Variants in NRXN1 observed in about 807,000 individuals in gnomAD.
The protein encoded by NRXN1 is neurexin 1, also known as neurexin-1.
NRXN1 carries 39 observed loss-of-function variants against 150.9 expected under a neutral mutation model. The ratio of observed to expected loss-of-function variants is 0.26; its 90% CI spans 0.20 to 0.34. The LOEUF is 0.34. NRXN1 is among the 10% of genes least tolerant of loss of function. NRXN1 has a pLI of 1.00. For synonymous variants in NRXN1, 924 were observed against 757.0 expected (o/e 1.22, Z -3.62); for missense variants, 1,815 against 1,949.9 (o/e 0.93, Z 1.30).
chr2:50,532,773 ACT>A (rs1203005138), intron 10 of NRXN1, among the ~76,000 whole-genome samples: 1 of 152,050 alleles, frequency 6.6e-6, no homozygotes, highest in Non-Finnish European at 1.5e-5. Context: ...TAAAAAAAAA[ACT>A]GTTGATGACA....
At chr2:50,481,847 G>A (rs1479686059) in intron 15 of NRXN1, among the ~76,000 whole-genome samples, 1 of 111,938 alleles carries the variant, frequency 8.9e-6, no homozygotes, top group African/African-American at 4.6e-5. Flanking sequence ...CTCACTGCAA[G>A]CTCCGCCTCC....
intron 21 of NRXN1, chr2:50,022,631 A>G (rs1687736918): frequency 6.6e-6 from 1 of 152,374 alleles, no homozygotes; most frequent in Non-Finnish European, 1.5e-5. Context: ...ATCATTGTCA[A>G]ACAATTGCAG....
At chr2:50,266,327 C>G (rs538010619) in intron 17 of NRXN1, among the ~76,000 whole-genome samples, 23 of 149,580 alleles carry the variant, frequency 1.5e-4, no homozygotes, top group Admixed American at 8.7e-4. Context: ...CACTTGACTC[C>G]AGTTTTTCCA....
intron 5 of NRXN1, chr2:50,920,074 G>A (rs1685776869): frequency 1.0e-5 from 3 of 296,306 alleles, no homozygotes; most frequent in African/African-American, 2.3e-5. Flanking sequence ...ATATGAAATG[G>A]GTACCAATGT....
intron 17 of NRXN1, among the ~76,000 whole-genome samples, chr2:50,275,654 T>A (rs1180819934): frequency 1.3e-5 from 2 of 152,108 alleles, no homozygotes. Context: ...CAATTAATAA[T>A]TATTGATTCA....
At chr2:50,819,226 C>A (rs1235426430) in intron 5 of NRXN1, among the ~76,000 whole-genome samples, 1 of 152,152 alleles carries the variant, frequency 6.6e-6, no homozygotes, top group Non-Finnish European at 1.5e-5. Context: ...GAGGCATCTG[C>A]ACTTCTGTGT....
chr2:50,397,040 G>A lies in NRXN1; in HGVS notation c.3364+68402C>T, dbSNP rs72876460. ...AGCACGTTCCACTCCTGACTCTCCC[G>A]AAGATGGTCTCAGGTCTTCAGGTGA... On this transcript the variant is annotated intron_variant, in intron 17 of 22. Coordinates refer to ENST00000401669, the MANE Select transcript of NRXN1 (RefSeq NM_001330078.2). 1.6e-3 allele frequency among the ~76,000 whole-genome samples: 246 copies of A among 152,078 alleles called. 1 individual carries two copies. Among genetic ancestry groups the A allele is most frequent in the African/African-American group, 5.2e-3 (216 of 41,488 alleles).
chr2:50,552,747 T>C lies in NRXN1; in HGVS notation c.1599A>G (p.Pro533=). The change falls in exon 9 of 23, where the codon CCA becomes CCG. Residue 533 remains proline (P), a synonymous_variant. Coordinates refer to ENST00000401669, the MANE Select transcript of NRXN1 (RefSeq NM_001330078.2). ...KPRHQKDAKH[P]QMIKVDFFAI... ...CAAAGAAGTCCACCTTTATCATCTG[T>C]GGGTGCTTGGCATCTTTCTGATGTC... is the stretch of plus-strand genomic sequence containing the variant. 1 of 1,613,972 alleles carries C rather than the reference T, an allele frequency of 6.2e-7. No homozygotes were observed. Among genetic ancestry groups the C allele is most frequent in the South Asian group, 1.1e-5 (1 of 91,086 alleles).
intron 3 of NRXN1, among the ~76,000 whole-genome samples, chr2:50,924,998 T>C (rs1686646214): frequency 6.6e-6 from 1 of 151,822 alleles, no homozygotes; most frequent in Non-Finnish European, 1.5e-5. Context: ...CAAAATATGG[T>C]AGTAAAATAA....
chr2:50,886,735 T>C (rs1680308149), intron 5 of NRXN1, among the ~76,000 whole-genome samples: 1 of 151,414 alleles, frequency 6.6e-6, no homozygotes, highest in African/African-American at 2.4e-5. Context: ...ATGAGATTAT[T>C]TGCTCATATA....
At chr2:50,723,593 C>T (rs111935467) in intron 5 of NRXN1, among the ~76,000 whole-genome samples, 222 of 152,198 alleles carry the variant, frequency 1.5e-3, no homozygotes, top group Non-Finnish European at 2.7e-3. Context: ...AATTCAAGAA[C>T]TGGAGAAAGA....
chr2:50,824,364 A>C (rs1486292030), intron 5 of NRXN1, among the ~76,000 whole-genome samples: 1 of 152,022 alleles, frequency 6.6e-6, no homozygotes, highest in African/African-American at 2.4e-5. Context: ...GTGGCTATTT[A>C]TAGATCTTAA....
chr2:50,480,582 C>A (rs1052332908), intron 15 of NRXN1, among the ~76,000 whole-genome samples: 3 of 152,142 alleles, frequency 2.0e-5, no homozygotes, highest in African/African-American at 7.2e-5. Flanking sequence ...GTGCTCTGCT[C>A]TAGTGAGTTT....
chr2:50,289,282 T>C (rs563820713), intron 17 of NRXN1, among the ~76,000 whole-genome samples: 16 of 152,270 alleles, frequency 1.1e-4, no homozygotes, highest in African/African-American at 3.8e-4. Context: ...GATATTACTA[T>C]TGACTAAAAG....
chr2:50,628,957 G>C (rs1046760366), intron 5 of NRXN1, among the ~76,000 whole-genome samples: 2 of 151,536 alleles, frequency 1.3e-5, no homozygotes, highest in Non-Finnish European at 3.0e-5. Flanking sequence ...ACACTCCACA[G>C]AATGAATAAA....
Position 50,337,136 on chromosome 2 carries a change from T to C in NRXN1, c.3365-100166A>G, listed in dbSNP as rs796948884. Among the ~76,000 whole-genome samples the C allele has an allele frequency of 4.1e-5, 6 of 148,008 alleles. No homozygotes were observed. In the East Asian group the frequency reaches 8.0e-4, roughly 20 times the overall value. Reference sequence around the variant, plus strand: ...TTAGCTCTTGTTGCCCAGGCTGGAGTGTGCAATGGCTTGATCTCGGCTCAC... The same window carrying C: ...TTAGCTCTTGTTGCCCAGGCTGGAGCGTGCAATGGCTTGATCTCGGCTCAC... On this transcript the variant is annotated intron_variant, in intron 17 of 22. Coordinates refer to ENST00000401669, the MANE Select transcript of NRXN1 (RefSeq NM_001330078.2).
Position 50,219,796 on chromosome 2 carries a change from G to A in NRXN1, c.3546+16993C>T, listed in dbSNP as rs188904267. Among the ~76,000 whole-genome samples, 481 of 149,082 alleles carry A rather than the reference G, an allele frequency of 3.2e-3. 3 individuals carry two copies. The highest frequency in any genetic ancestry group is 4.9e-3 in the Non-Finnish European group (334 of 67,506). ...CCAGATACTTGAGAGGCTAAGGCGAGAAGATTGCTTGAGCCTCGGGAGTGT... is the reference window on the plus strand; with the variant it reads ...CCAGATACTTGAGAGGCTAAGGCGAAAAGATTGCTTGAGCCTCGGGAGTGT... On this transcript the variant is annotated intron_variant, in intron 18 of 22. Transcript: ENST00000401669.
intron 5 of NRXN1, among the ~76,000 whole-genome samples, chr2:50,749,761 C>A (rs1457941111): frequency 6.6e-6 from 1 of 152,006 alleles, no homozygotes; most frequent in Admixed American, 6.6e-5. Flanking sequence ...CCTCAAAGGT[C>A]ATTTGAATCC....
At chr2:50,647,466 C>T (rs1054009790) in intron 5 of NRXN1, among the ~76,000 whole-genome samples, 1 of 151,810 alleles carries the variant, frequency 6.6e-6, no homozygotes, top group South Asian at 2.1e-4. Context: ...CAAAGAAATA[C>T]ACAGGAAAAC....
Sources: gnomAD v4.1 joint callset for allele counts (sites outside exome capture counted in the v4.1 genomes callset) on GRCh38, gnomAD v4.1.1 for gene constraint, MANE v1.5 for transcripts, NCBI Gene and HGNC (gene_info 2026-07-23, HGNC 2026-07-21) for gene names.